Variants in CDH13 observed in about 807,000 individuals in gnomAD.
CDH13 encodes the protein cadherin-13.
A neutral mutation model predicts 63.8 loss-of-function variants in CDH13; 24 were observed. That is an observed-to-expected ratio of 0.38 (90% CI 0.27 to 0.53). The LOEUF (loss-of-function observed/expected upper bound fraction) is 0.53. Ranked by LOEUF, CDH13 falls within the 20% of genes least tolerant of loss-of-function variation. The pLI is 0.85. For synonymous variants in CDH13, 503 were observed against 355.3 expected (o/e 1.42, Z -4.67); for missense variants, 1,049 against 903.1 (o/e 1.16, Z -2.07).
intron 1 of CDH13, chr16:82,723,110 G>A (rs1263926927): frequency 6.6e-6 from 1 of 152,250 alleles, no homozygotes; most frequent in African/African-American, 2.4e-5. Flanking sequence ...TGGAGAACAG[G>A]TGGACCTGGG....
chr16:83,794,627 A>C (rs993149762), intron 13 of CDH13, among the ~76,000 whole-genome samples: 1 of 89,188 alleles, frequency 1.1e-5, no homozygotes, highest in Non-Finnish European at 2.6e-5. Flanking sequence ...TTAAGTCAAC[A>C]TATATATATA....
At chr16:83,422,228 AAAT>A (rs2071736760) in intron 6 of CDH13, among the ~76,000 whole-genome samples, 1 of 152,348 alleles carries the variant, frequency 6.6e-6, no homozygotes, top group South Asian at 2.1e-4. Context: ...TACTGTATAA[AAAT>A]AATTCGTTTT....
chr16:83,334,361 T>TCACACACACA (rs1208427532), intron 5 of CDH13, among the ~76,000 whole-genome samples: 16 of 85,622 alleles, frequency 1.9e-4, no homozygotes, highest in African/African-American at 6.9e-4. Flanking sequence ...TCTCTCTCTC[T>TCACACACACA]CACACACACA....
chr16:82,671,835 C>T (rs1913280258), intron 1 of CDH13, among the ~76,000 whole-genome samples: 1 of 152,154 alleles, frequency 6.6e-6, no homozygotes, highest in East Asian at 1.9e-4. Flanking sequence ...AAGAGAAACA[C>T]CATGGGGCAG....
At chr16:82,682,191 T>C (rs1914622077) in intron 1 of CDH13, among the ~76,000 whole-genome samples, 1 of 152,218 alleles carries the variant, frequency 6.6e-6, no homozygotes, top group Non-Finnish European at 1.5e-5. Flanking sequence ...ATAACTATAA[T>C]TGGTTCCTGG....
intron 7 of CDH13, among the ~76,000 whole-genome samples, chr16:83,534,515 C>T (rs756876557): frequency 1.3e-5 from 2 of 152,196 alleles, no homozygotes; most frequent in East Asian, 1.9e-4. Context: ...CTGGCTAGCA[C>T]CTATGTGAAA....
At chr16:83,302,979 T>C (rs905175600) in intron 5 of CDH13, among the ~76,000 whole-genome samples, 16 of 152,250 alleles carry the variant, frequency 1.1e-4, no homozygotes, top group Non-Finnish European at 1.3e-4. Context: ...GTTCTTTTCA[T>C]GTCTCTGATC....
intron 2 of CDH13, among the ~76,000 whole-genome samples, chr16:82,948,119 C>T (rs923361809): frequency 2.6e-5 from 4 of 152,222 alleles, no homozygotes; most frequent in East Asian, 1.9e-4. Context: ...GTAACTCTAA[C>T]GTTATTCTTC....
intron 1 of CDH13, among the ~76,000 whole-genome samples, chr16:82,796,396 A>G (rs529952650): frequency 2.6e-5 from 4 of 152,278 alleles, no homozygotes; most frequent in Admixed American, 6.5e-5. Context: ...AATAGCCCCG[A>G]TTATTCATTA....
At chr16:83,623,082 C>A (rs1254891143) in intron 8 of CDH13, among the ~76,000 whole-genome samples, 1 of 152,194 alleles carries the variant, frequency 6.6e-6, no homozygotes, top group Non-Finnish European at 1.5e-5. Flanking sequence ...AGACTTGGCT[C>A]TGCTAGGTAG....
chr16:83,770,036 T>G (rs1049755274), intron 11 of CDH13, among the ~76,000 whole-genome samples: 3 of 152,154 alleles, frequency 2.0e-5, no homozygotes, highest in African/African-American at 4.8e-5. Context: ...GAACCTGGCA[T>G]GCAATTCCCG....
intron 1 of CDH13, among the ~76,000 whole-genome samples, chr16:82,722,602 G>C (rs1331128441): frequency 6.6e-6 from 1 of 152,138 alleles, no homozygotes; most frequent in Admixed American, 6.6e-5. Flanking sequence ...ACCAAGTATG[G>C]AGAGTGAGGT....
chr16:83,097,260 G>T (rs761833778), intron 3 of CDH13, among the ~76,000 whole-genome samples: 2 of 152,106 alleles, frequency 1.3e-5, no homozygotes, highest in Non-Finnish European at 2.9e-5. Context: ...AGAATTCTTG[G>T]CAATCCAAAT....
intron 1 of CDH13, among the ~76,000 whole-genome samples, chr16:82,782,828 C>T (rs1234563378): frequency 6.6e-6 from 1 of 152,180 alleles, no homozygotes; most frequent in Non-Finnish European, 1.5e-5. Flanking sequence ...CCTTTCAGCT[C>T]CAAGTTCCTG....
chr16:83,159,269 T>G (rs1297759529), intron 4 of CDH13, among the ~76,000 whole-genome samples: 3 of 152,306 alleles, frequency 2.0e-5, no homozygotes, highest in Non-Finnish European at 1.5e-5. Context: ...GTGACTCTAG[T>G]TGAGTTAAAT....
At chr16:82,710,446 G>T (rs1380102746) in intron 1 of CDH13, among the ~76,000 whole-genome samples, 2 of 142,744 alleles carry the variant, frequency 1.4e-5, no homozygotes, top group Non-Finnish European at 3.0e-5. Context: ...ACAGGAGAAT[G>T]GCGTGAACCC....
chr16:82,715,434 G>C (rs1479578475), intron 1 of CDH13, among the ~76,000 whole-genome samples: 1 of 152,146 alleles, frequency 6.6e-6, no homozygotes, highest in Admixed American at 6.5e-5. Context: ...ATGAAGAGTA[G>C]GTTCTGCTTT....
At chr16:82,738,221 A>G (rs1384221969) in intron 1 of CDH13, among the ~76,000 whole-genome samples, 1 of 152,238 alleles carries the variant, frequency 6.6e-6, no homozygotes, top group East Asian at 1.9e-4. Context: ...GTGAAATAGC[A>G]ATAAAAAAAA....
At chr16:82,665,840 A>G (rs1179348098) in intron 1 of CDH13, among the ~76,000 whole-genome samples, 2 of 152,122 alleles carry the variant, frequency 1.3e-5, no homozygotes, top group Non-Finnish European at 2.9e-5. Flanking sequence ...GGAGGGCAAA[A>G]TCATTGAATA....
Sources: allele counts gnomAD v4.1 joint callset (sites outside exome capture counted in the v4.1 genomes callset), GRCh38; gene constraint gnomAD v4.1.1; transcripts MANE v1.5; gene names NCBI Gene and HGNC (gene_info 2026-07-23, HGNC 2026-07-21).